The following DPYD variants were observed in gnomAD, a reference collection of about 807,000 sequenced individuals.
DPYD encodes the protein dihydropyrimidine dehydrogenase [NADP(+)].
DPYD carries 109 observed loss-of-function variants against 116.2 expected under a neutral mutation model. That is an observed-to-expected ratio of 0.94 (90% confidence interval 0.80 to 1.10). DPYD has a LOEUF of 1.10. DPYD is among the 50% of genes least tolerant of loss of function. The probability of loss-of-function intolerance (pLI) is 0.00; values close to 1 mark genes in which losing one functional copy is unlikely to be tolerated. For synonymous variants in DPYD, 440 were observed against 432.0 expected (o/e 1.02, Z -0.23); for missense variants, 1,302 against 1,254.5 (o/e 1.04, Z -0.57).
chr1:97,291,018 T>C (rs1224533548), intron 18 of DPYD, among the ~76,000 whole-genome samples: 2 of 152,026 alleles, frequency 1.3e-5, no homozygotes, highest in Admixed American at 6.6e-5. Flanking sequence ...CATCAAAAAG[T>C]GGGCGAAGGA....
rs75635895 is a variant in DPYD at position 97,673,709 on chromosome 1, G to A, written c.850+5386C>T. 8.4e-3 allele frequency among the ~76,000 whole-genome samples: 1,273 copies of A among 152,188 alleles called. 18 individuals are homozygous for A. The highest frequency in any genetic ancestry group is 0.029 in the African/African-American group (1,205 of 41,532). Reference sequence around the variant, plus strand: ...AGTCCAGTCTGAACATAGAGAGCAGGAACACAGAGTTTGTGTGGGGTGGGG... The same window carrying A: ...AGTCCAGTCTGAACATAGAGAGCAGAAACACAGAGTTTGTGTGGGGTGGGG... On this transcript the variant is annotated intron_variant, in intron 8 of 22. Coordinates refer to ENST00000370192, the MANE Select transcript of DPYD (RefSeq NM_000110.4).
chr1:97,314,631 C>T (rs1667709758), intron 16 of DPYD, among the ~76,000 whole-genome samples: 1 of 151,636 alleles, frequency 6.6e-6, no homozygotes, highest in Admixed American at 6.6e-5. Flanking sequence ...CACCAGCTCA[C>T]TTCTTTACTC....
At chr1:97,386,802 A>C (rs969314482) in intron 14 of DPYD, among the ~76,000 whole-genome samples, 3 of 152,116 alleles carry the variant, frequency 2.0e-5, no homozygotes, top group African/African-American at 7.2e-5. Flanking sequence ...AAATAATTTT[A>C]CTTTTTATTA....
At chr1:97,711,753 T>A (rs1272357194) in intron 5 of DPYD, among the ~76,000 whole-genome samples, 1 of 151,954 alleles carries the variant, frequency 6.6e-6, no homozygotes, top group African/African-American at 2.4e-5. Context: ...TTAAGAGTTT[T>A]TTATTATTAT....
chr1:97,178,642 G>T (rs545970883), intron 20 of DPYD, among the ~76,000 whole-genome samples: 3 of 151,982 alleles, frequency 2.0e-5, no homozygotes, highest in African/African-American at 7.2e-5. Context: ...TTTGGGTGGG[G>T]GCACAAAATC....
At chr1:97,409,730 G>A (rs1673869606) in intron 14 of DPYD, among the ~76,000 whole-genome samples, 1 of 152,028 alleles carries the variant, frequency 6.6e-6, no homozygotes, top group Non-Finnish European at 1.5e-5. Flanking sequence ...TTCTTCCCCA[G>A]ACATACACAT....
intron 5 of DPYD, among the ~76,000 whole-genome samples, chr1:97,708,295 A>C (rs2100995354): frequency 6.6e-6 from 1 of 152,180 alleles, no homozygotes; most frequent in African/African-American, 2.4e-5. Context: ...TTTTACATTG[A>C]GGTTTATGAT....
chr1:97,096,800 C>A (rs1228190419), intron 21 of DPYD, among the ~76,000 whole-genome samples: 2 of 152,128 alleles, frequency 1.3e-5, no homozygotes, highest in African/African-American at 4.8e-5. Flanking sequence ...CCAGCAGTGG[C>A]AACCTGCTGG....
chr1:97,328,223 A>T (rs886099416), intron 16 of DPYD, among the ~76,000 whole-genome samples: 1 of 152,180 alleles, frequency 6.6e-6, no homozygotes, highest in Non-Finnish European at 1.5e-5. Flanking sequence ...AGCCTATGTT[A>T]TTCATAATAG....
chr1:97,763,150 T>C (rs1665667610), intron 3 of DPYD, among the ~76,000 whole-genome samples: 1 of 152,102 alleles, frequency 6.6e-6, no homozygotes. Context: ...TTTCTGTTTA[T>C]ATATTTGATT....
intron 14 of DPYD, among the ~76,000 whole-genome samples, chr1:97,400,793 A>G (rs370296301): frequency 6.6e-6 from 1 of 152,084 alleles, no homozygotes; most frequent in Non-Finnish European, 1.5e-5. Flanking sequence ...ATGGGTGGTG[A>G]TACCCCTTTA....
intron 16 of DPYD, among the ~76,000 whole-genome samples, chr1:97,345,252 A>G (rs888519079): frequency 2.0e-5 from 3 of 152,022 alleles, no homozygotes; most frequent in Admixed American, 2.0e-4. Context: ...AAAAATACAT[A>G]TGGACAAAAA....
chr1:97,317,859 G>GA (rs1667957013), intron 16 of DPYD, among the ~76,000 whole-genome samples: 1 of 151,964 alleles, frequency 6.6e-6, no homozygotes, highest in Non-Finnish European at 1.5e-5. Flanking sequence ...ACCTATCAGA[G>GA]AAAAACTGCA....
intron 20 of DPYD, among the ~76,000 whole-genome samples, chr1:97,140,653 G>A (rs2101693273): frequency 6.6e-6 from 1 of 152,276 alleles, no homozygotes; most frequent in Non-Finnish European, 1.5e-5. Flanking sequence ...GGAGGCAGAA[G>A]ATAATCACAG....
At chr1:97,617,296 C>T (rs1456471782) in intron 8 of DPYD, among the ~76,000 whole-genome samples, 2 of 152,144 alleles carry the variant, frequency 1.3e-5, no homozygotes, top group Admixed American at 1.3e-4. Flanking sequence ...AAACACTCAA[C>T]TATCCATGCC....
intron 4 of DPYD, 82 bp downstream of exon 4, chr1:97,740,310 A>C (rs1354745257): frequency 1.4e-5 from 16 of 1,178,402 alleles, no homozygotes; most frequent in Non-Finnish European, 1.8e-5. Context: ...TTGCTAAGAC[A>C]AGCTGTATTC....
At chr1:97,682,884 A>G (rs1040217986) in intron 7 of DPYD, among the ~76,000 whole-genome samples, 1 of 152,108 alleles carries the variant, frequency 6.6e-6, no homozygotes, top group African/African-American at 2.4e-5. Flanking sequence ...TTTCAAGTTC[A>G]GTGTAATAGT....
intron 15 of DPYD, among the ~76,000 whole-genome samples, chr1:97,380,945 T>C (rs867871346): frequency 7.9e-5 from 12 of 152,314 alleles, no homozygotes; most frequent in Middle Eastern, 6.8e-3. Context: ...TCCTAGAAGC[T>C]GTGAAGGCCT....
chr1:97,781,007 A>G (rs1368520718), intron 3 of DPYD, among the ~76,000 whole-genome samples: 2 of 152,346 alleles, frequency 1.3e-5, no homozygotes, highest in Non-Finnish European at 2.9e-5. Flanking sequence ...AATGTCCAGA[A>G]TGACTACAAC....
Sources: gnomAD v4.1 joint callset for allele counts (sites outside exome capture counted in the v4.1 genomes callset) on GRCh38, gnomAD v4.1.1 for gene constraint, MANE v1.5 for transcripts, NCBI Gene and HGNC (gene_info 2026-07-23, HGNC 2026-07-21) for gene names.